CNTRL: variants seen among roughly 807,000 people sequenced by gnomAD.
The protein encoded by CNTRL is 110 kDa centrosomal protein.
CNTRL carries 233 observed loss-of-function variants against 303.7 expected under a neutral mutation model. The ratio of observed to expected loss-of-function variants is 0.77; its 90% CI spans 0.69 to 0.86. CNTRL has a LOEUF of 0.86. CNTRL is among the 40% of genes least tolerant of loss of function. The pLI, the probability that CNTRL is intolerant of heterozygous loss-of-function variation, is 0.00. For synonymous variants in CNTRL, 900 were observed against 922.2 expected, an observed-to-expected ratio of 0.98 and a Z score of 0.44; for missense variants, 2,524 against 2,650.6, an observed-to-expected ratio of 0.95 and a Z score of 1.05.
chr9:121,078,269 G>A (rs1054849487), intron 1 of CNTRL, among the ~76,000 whole-genome samples: 1 of 152,088 alleles, frequency 6.6e-6, no homozygotes, highest in Non-Finnish European at 1.5e-5. Context: ...TTAGCCGGGC[G>A]TGGTGCTGTG....
Position 121,168,150 on chromosome 9 carries a change from A to G in CNTRL, c.5899A>G (p.Ser1967Gly), listed in dbSNP as rs2053165637. The change falls in exon 38 of 44, where the codon AGT (serine) becomes GGT (glycine). Residue 1967 changes from serine (S) to glycine (G), a missense_variant. Transcript: ENST00000373855. Reference sequence around the variant, plus strand: ...AAGTGAAGAAAGCAAATTAGAAACCAGTAAAGTGACACTGAAGGAGCAACA... The same window carrying G: ...AAGTGAAGAAAGCAAATTAGAAACCGGTAAAGTGACACTGAAGGAGCAACA... ...RESEESKLET[S>G]KVTLKEQQHQ... 1.9e-6 allele frequency: 3 copies of G among 1,613,954 alleles called. No individual in the cohort carries two copies. Among genetic ancestry groups the G allele is most frequent in the Non-Finnish European group, 2.5e-6 (3 of 1,180,042 alleles).
At chr9:121,122,091 T>A in intron 12 of CNTRL, 1 of 252,602 alleles carries the variant, frequency 4.0e-6, no homozygotes, top group Non-Finnish European at 6.2e-6. Flanking sequence ...CCCATGTATT[T>A]AATGTACACC....
intron 2 of CNTRL, among the ~76,000 whole-genome samples, chr9:121,086,908 C>T (rs999706763): frequency 6.6e-6 from 1 of 152,158 alleles, no homozygotes; most frequent in South Asian, 2.1e-4. Flanking sequence ...CTGACTCGGC[C>T]TCCCAAAGTG....
At position 121,160,155 on chromosome 9, in the gene CNTRL, C is replaced by G. The variant is rs371318999; in HGVS notation, c.4942C>G (p.Leu1648Val). The G allele has an allele frequency of 6.7e-7, 1 of 1,483,978 alleles. No individual in the cohort carries two copies. Among genetic ancestry groups the G allele is most frequent in the African/African-American group, 1.5e-5 (1 of 68,572 alleles). 91.9% of individuals were successfully genotyped at this position (1,483,978 alleles called of 1,614,324 possible). Residue 1648 changes from leucine (L) to valine (V), a missense_variant, in exon 32 of 44, where the codon CTT (leucine) becomes GTT (valine). Physicochemically the swap from Leu to Val is conservative, Grantham distance 32. Coordinates refer to ENST00000373855, the MANE Select transcript of CNTRL (RefSeq NM_007018.6). ...KCNHIREVKS[L>V]LEELSFQKGE... Reference sequence around the variant, plus strand: ...TTTTCAAACACAGGAAGTAAAATCTCTTCTGGAAGAACTGAGTTTTCAGAA... The same window carrying G: ...TTTTCAAACACAGGAAGTAAAATCTGTTCTGGAAGAACTGAGTTTTCAGAA...
At chr9:121,082,994 A>AAG (rs1588041519) in intron 2 of CNTRL, among the ~76,000 whole-genome samples, 1 of 146,494 alleles carries the variant, frequency 6.8e-6, no homozygotes, top group Non-Finnish European at 1.5e-5. Context: ...AAATAGAAAA[A>AAG]GTACAATAAA....
At chr9:121,154,613 C>T (rs1317407269) in intron 26 of CNTRL, 108 bp from the exon 27 acceptor site, 1 of 658,438 alleles carries the variant, frequency 1.5e-6, no homozygotes, top group East Asian at 2.8e-5. Flanking sequence ...CTTACCTATT[C>T]TCATATAAAA....
chr9:121,134,592 G>A (rs949926712), intron 14 of CNTRL, among the ~76,000 whole-genome samples: 1 of 152,148 alleles, frequency 6.6e-6, no homozygotes, highest in Non-Finnish European at 1.5e-5. Flanking sequence ...ACTGTACCCG[G>A]CCCTAAGGTC....
chr9:121,145,085 C>T lies in CNTRL; in HGVS notation c.3168+126C>T, dbSNP rs1488582355. The T allele has an allele frequency of 9.0e-6, 10 of 1,116,506 alleles. No homozygotes were observed. The East Asian group carries it at 1.2e-4, about 13-fold the overall frequency. 69.2% of individuals were successfully genotyped at this position (1,116,506 alleles called of 1,614,324 possible). A position where few individuals can be genotyped will look rare whatever the true frequency, so the allele number is the denominator to read the frequency against. On this transcript the variant is annotated intron_variant, in intron 21 of 43. Transcript: ENST00000373855. ...ATCAATAGTTAATAAGTACTTTATC[C>T]TCTACTGTGTGCCAGGCTTGGTGCA...
At chr9:121,151,133 G>A (rs1223937992) in intron 25 of CNTRL, among the ~76,000 whole-genome samples, 3 of 151,714 alleles carry the variant, frequency 2.0e-5, no homozygotes, top group Admixed American at 6.6e-5. Flanking sequence ...TAGGTGGTGG[G>A]ATTTATTTAT....
At chr9:121,120,435 G>T (rs1217082266) in intron 12 of CNTRL, among the ~76,000 whole-genome samples, 1 of 152,108 alleles carries the variant, frequency 6.6e-6, no homozygotes, top group African/African-American at 2.4e-5. Context: ...GTATAATGTG[G>T]TCAATAATAT....
At chr9:121,145,724 G>GTC (rs2051808101) in intron 22 of CNTRL, among the ~76,000 whole-genome samples, 1 of 151,938 alleles carries the variant, frequency 6.6e-6, no homozygotes, top group East Asian at 1.9e-4. Flanking sequence ...GTGACACCCT[G>GTC]TCTCTACTAA....
rs765563429 is a variant in CNTRL, at chr9:121,150,152, C to G, written c.3650-18C>G. The G allele has an allele frequency of 6.4e-7, 1 of 1,573,310 alleles. No homozygotes were observed. The highest frequency in any genetic ancestry group is 1.2e-5 in the South Asian group (1 of 86,108). ...ACACTCTTTTGTTGAATAAACTCTT[C>G]TGTTTATTTCTTTGAAGATGCAGAC... On this transcript the variant is annotated intron_variant, in intron 24 of 43. Coordinates refer to ENST00000373855, the MANE Select transcript of CNTRL (RefSeq NM_007018.6).
chr9:121,112,618 C>T, intron 9 of CNTRL, 40 bp downstream of exon 9: 1 of 1,600,944 alleles, frequency 6.2e-7, no homozygotes, highest in South Asian at 1.1e-5. Context: ...AAGTTAAAGC[C>T]CACATGGGAT....
intron 7 of CNTRL, among the ~76,000 whole-genome samples, chr9:121,102,604 A>C (rs139559920): frequency 4.3e-4 from 66 of 152,352 alleles, no homozygotes; most frequent in African/African-American, 1.5e-3. Context: ...GAGGAAGTCA[A>C]ATTGTCCCTG....
chr9:121,154,943 C>A, intron 27 of CNTRL, 30 bp downstream of exon 27: 1 of 1,589,492 alleles, frequency 6.3e-7, no homozygotes, highest in South Asian at 1.1e-5. Flanking sequence ...GGGGTGTGAG[C>A]TCAGTGTGGG....
At chr9:121,102,149 C>T (rs2049207818) in intron 7 of CNTRL, among the ~76,000 whole-genome samples, 1 of 152,170 alleles carries the variant, frequency 6.6e-6, no homozygotes, top group Non-Finnish European at 1.5e-5. Flanking sequence ...TGAAAATTCT[C>T]AATAAAATAC....
At chr9:121,157,414 G>GTAGC (rs1253859370) in intron 27 of CNTRL, 56 bp from the exon 28 acceptor site, 19 of 1,576,304 alleles carry the variant, frequency 1.2e-5, no homozygotes, top group Admixed American at 1.8e-5. Flanking sequence ...TACATGGCCA[G>GTAGC]TAGCTGTGAG....
chr9:121,161,186 A>G, intron 32 of CNTRL: 2 of 402,458 alleles, frequency 5.0e-6, no homozygotes, highest in South Asian at 9.5e-5. Context: ...TCTTAGAAGG[A>G]AATACATCAA....
intron 43 of CNTRL, 149 bp from the exon 44 acceptor site, chr9:121,177,014 G>C: frequency 1.5e-6 from 1 of 656,324 alleles, no homozygotes; most frequent in Non-Finnish European, 2.7e-6. Context: ...TTTTCTCTCA[G>C]AATTTTGTAC....
Sources: gnomAD v4.1 joint callset for allele counts (sites outside exome capture counted in the v4.1 genomes callset) on GRCh38, gnomAD v4.1.1 for gene constraint, MANE v1.5 for transcripts, NCBI Gene and HGNC (gene_info 2026-07-23, HGNC 2026-07-21) for gene names.